The following DRAM1 variants were observed in gnomAD, a reference collection of about 807,000 sequenced individuals.
DRAM1 encodes DNA damage-regulated autophagy modulator protein 1.
Under a neutral mutation model 28.5 loss-of-function variants are expected in DRAM1, and 25 were observed. The ratio of observed to expected loss-of-function variants is 0.88; its 90% confidence interval spans 0.64 to 1.23. The LOEUF (loss-of-function observed/expected upper bound fraction) is 1.23. Among genes scored for constraint, DRAM1 ranks in the 50% most tolerant of loss-of-function variants. The pLI is 0.00. For missense variants in DRAM1, 249 were observed against 299.2 expected (o/e 0.83, Z 1.24); for synonymous variants, 113 against 114.2 (o/e 0.99, Z 0.07).
chr12:101,883,629 A>T (rs1361014041), intron 1 of DRAM1, among the ~76,000 whole-genome samples: 1 of 150,396 alleles, frequency 6.6e-6, no homozygotes, highest in African/African-American at 2.4e-5. Flanking sequence ...GTTTCCTATC[A>T]GAAAATTAAA....
chr12:101,910,388 A>G (rs540260492), intron 4 of DRAM1, among the ~76,000 whole-genome samples: 3 of 152,292 alleles, frequency 2.0e-5, no homozygotes, highest in Admixed American at 6.5e-5. Context: ...CTTCGGAAAC[A>G]GATCCCTAGA....
intron 1 of DRAM1, among the ~76,000 whole-genome samples, chr12:101,894,582 AG>A (rs899336429): frequency 2.0e-5 from 3 of 152,154 alleles, no homozygotes; most frequent in Non-Finnish European, 4.4e-5. Flanking sequence ...TGTACAGATA[AG>A]CAAGAATAGA....
chr12:101,905,788 T>C lies in DRAM1; in HGVS notation c.343-2398T>C, dbSNP rs1873782582. ...TTATTTATTTATTTATTTATTTATGTATTTATTTATTTTTTGAGATGGAGT... is the reference window on the plus strand; with the variant it reads ...TTATTTATTTATTTATTTATTTATGCATTTATTTATTTTTTGAGATGGAGT... On this transcript the variant is annotated intron_variant, in intron 3 of 6. Coordinates refer to ENST00000258534, the MANE Select transcript of DRAM1 (RefSeq NM_018370.3). 2.0e-5 allele frequency among the ~76,000 whole-genome samples: 3 copies of C among 147,328 alleles called. No homozygotes were observed. In the South Asian group the frequency reaches 6.6e-4, roughly 32 times the overall value.
At chr12:101,919,499 C>T (rs1874392870) in intron 5 of DRAM1, among the ~76,000 whole-genome samples, 2 of 152,174 alleles carry the variant, frequency 1.3e-5, no homozygotes, top group African/African-American at 4.8e-5. Context: ...TCCTTGGCTT[C>T]CATTCTCCCA....
chr12:101,887,574 A>G (rs1284492943), intron 1 of DRAM1, among the ~76,000 whole-genome samples: 1 of 147,470 alleles, frequency 6.8e-6, no homozygotes, highest in Non-Finnish European at 1.5e-5. Flanking sequence ...TCTGTCACCC[A>G]GGCTGGAGTG....
At chr12:101,914,986 T>G (rs1170415589) in intron 5 of DRAM1, among the ~76,000 whole-genome samples, 2 of 1,318 alleles carry the variant, frequency 1.5e-3, no homozygotes, top group African/African-American at 1.7e-3. Flanking sequence ...CTTTCTTTCT[T>G]TTTTTTTTTT....
intron 1 of DRAM1, among the ~76,000 whole-genome samples, chr12:101,895,202 T>TTTTTTTTTTTTTTTTTTTG: frequency 7.6e-6 from 1 of 130,998 alleles, no homozygotes; most frequent in South Asian, 2.3e-4. Flanking sequence ...TTTTTTTTTT[T>TTTTTTTTTTTTTTTTTTTG]TTTTTTTTTT....
chr12:101,915,912 T>C (rs1874226539), intron 5 of DRAM1, among the ~76,000 whole-genome samples: 1 of 152,202 alleles, frequency 6.6e-6, no homozygotes, highest in Admixed American at 6.5e-5. Context: ...AGATGAGTGT[T>C]AGACAGAAGC....
At chr12:101,903,912 AAC>A (rs368288202) in intron 3 of DRAM1, among the ~76,000 whole-genome samples, 1 of 121,518 alleles carries the variant, frequency 8.2e-6, no homozygotes, top group African/African-American at 3.6e-5. Flanking sequence ...TGCCTCTGGA[AAC>A]ACACACACAC....
intron 3 of DRAM1, 129 bp from the exon 4 acceptor site, chr12:101,908,057 A>T: frequency 1.3e-6 from 1 of 774,950 alleles, no homozygotes; most frequent in Non-Finnish European, 2.0e-6. Flanking sequence ...GTAGTCAAAC[A>T]GCCACATTTT....
intron 4 of DRAM1, among the ~76,000 whole-genome samples, chr12:101,913,693 G>A (rs910512970): frequency 1.5e-4 from 20 of 129,548 alleles, no homozygotes; most frequent in African/African-American, 5.7e-4. Flanking sequence ...GTGACAGAGC[G>A]AGAGTACGTC....
chr12:101,910,518 C>T (rs1334166677), intron 4 of DRAM1, among the ~76,000 whole-genome samples: 1 of 150,670 alleles, frequency 6.6e-6, no homozygotes, highest in Non-Finnish European at 1.5e-5. Context: ...CACTCTGTCA[C>T]CCAGGCTGGA....
chr12:101,879,140 G>A (rs762301663), intron 1 of DRAM1, among the ~76,000 whole-genome samples: 4 of 151,994 alleles, frequency 2.6e-5, no homozygotes, highest in East Asian at 1.9e-4. Context: ...GATTACAGGC[G>A]TGCACCACCA....
chr12:101,914,485 CTTTTTT>C (rs553791665), intron 5 of DRAM1, among the ~76,000 whole-genome samples: 1 of 137,456 alleles, frequency 7.3e-6, no homozygotes, highest in Non-Finnish European at 1.5e-5. Flanking sequence ...TCTTCTTCTT[CTTTTTT>C]TTTTTTTTTG....
intron 1 of DRAM1, among the ~76,000 whole-genome samples, chr12:101,896,230 CA>C (rs2121078541): frequency 6.6e-6 from 1 of 152,310 alleles, no homozygotes; most frequent in East Asian, 1.9e-4. Flanking sequence ...TAAGTGTTCG[CA>C]AAACTTAAAA....
chr12:101,912,494 T>C (rs2121150321), intron 4 of DRAM1, among the ~76,000 whole-genome samples: 1 of 152,304 alleles, frequency 6.6e-6, no homozygotes, highest in East Asian at 1.9e-4. Context: ...ACCAGAATGG[T>C]ACCTGGTGCA....
intron 5 of DRAM1, among the ~76,000 whole-genome samples, chr12:101,917,964 G>A (rs997960658): frequency 3.9e-5 from 6 of 152,130 alleles, no homozygotes; most frequent in Non-Finnish European, 8.8e-5. Flanking sequence ...AGGGCTTATC[G>A]AAGTATATTC....
In DRAM1 at chr12:101,882,221, G is replaced by A. The variant is rs2121005605; in HGVS notation, c.131+4301G>A. ...CCTCCCGGGTTCACGCCATTTTCCT[G>A]CCTCAGCCTCCCGAGTAGCTGGGAC... is the stretch of plus-strand genomic sequence containing the variant. On this transcript the variant is annotated intron_variant, in intron 1 of 6. Transcript: ENST00000258534. Among the ~76,000 whole-genome samples the A allele has an allele frequency of 1.4e-5, 2 of 147,750 alleles. 1 individual carries two copies. The highest frequency in any genetic ancestry group is 4.3e-4 in the East Asian group (2 of 4,666).
intron 1 of DRAM1, among the ~76,000 whole-genome samples, chr12:101,879,169 T>G (rs1228954573): frequency 6.6e-6 from 1 of 151,996 alleles, no homozygotes; most frequent in Non-Finnish European, 1.5e-5. Flanking sequence ...TTAATTTTTT[T>G]GTATTTTTAG....
Sources: allele counts gnomAD v4.1 joint callset (sites outside exome capture counted in the v4.1 genomes callset), GRCh38; gene constraint gnomAD v4.1.1; transcripts MANE v1.5; gene names NCBI Gene and HGNC (gene_info 2026-07-23, HGNC 2026-07-21).